Variants in VTI1A observed in about 807,000 individuals in gnomAD.
The protein encoded by VTI1A is vesicle transport through interaction with t-SNAREs 1A, also known as vesicle transport through interaction with t-SNAREs homolog 1A.
Under a neutral mutation model 34.9 loss-of-function variants are expected in VTI1A, and 22 were observed. The observed-to-expected ratio is 0.63, with a 90% CI of 0.45 to 0.90. The LOEUF is 0.90. Among genes scored for constraint, VTI1A ranks in the 40% least tolerant of loss-of-function variants. The probability of loss-of-function intolerance (pLI) is 0.00; values close to 1 mark genes in which losing one functional copy is unlikely to be tolerated. For missense variants in VTI1A, 268 were observed against 275.6 expected, an observed-to-expected ratio of 0.97 and a Z score of 0.20; for synonymous variants, 87 against 97.3, an observed-to-expected ratio of 0.89 and a Z score of 0.62.
chr10:112,831,201 ACTT>A, the VTI1A span: 4 of 152,082 alleles, frequency 2.6e-5, no homozygotes, highest in East Asian at 5.8e-4. Flanking sequence ...ATGGGAGAGA[ACTT>A]CTATTATTTC....
chr10:112,626,745 G>A (rs1408848154), intron 5 of VTI1A, among the ~76,000 whole-genome samples: 7 of 152,230 alleles, frequency 4.6e-5, no homozygotes, highest in African/African-American at 1.7e-4. Context: ...TGCTCTTCAG[G>A]TACATTGGGG....
At chr10:112,483,297 G>A (rs1187585108) in intron 3 of VTI1A, among the ~76,000 whole-genome samples, 1 of 152,076 alleles carries the variant, frequency 6.6e-6, no homozygotes, top group African/African-American at 2.4e-5. Context: ...ATAAAGAGCT[G>A]CTCAGCTGCA....
chr10:112,708,665 T>A lies in VTI1A; in HGVS notation c.560+39667T>A, dbSNP rs538568839. 4.6e-5 allele frequency among the ~76,000 whole-genome samples: 7 copies of A among 152,342 alleles called. No homozygotes were observed. In the East Asian group the frequency reaches 1.3e-3, roughly 29 times the overall value. ...GAAGCGAGTCACCAGCTATTCTAAG[T>A]AAGAACTGAAGAACTTTTGGATGGC... On this transcript the variant is annotated intron_variant, in intron 7 of 7. Transcript: ENST00000393077.
At chr10:112,615,976 G>A (rs1043631603) in intron 5 of VTI1A, among the ~76,000 whole-genome samples, 5 of 152,102 alleles carry the variant, frequency 3.3e-5, no homozygotes, top group African/African-American at 1.2e-4. Flanking sequence ...TGTATCTGAG[G>A]CAGACATTTT....
At chr10:112,569,314 G>A (rs1475569185) in intron 5 of VTI1A, among the ~76,000 whole-genome samples, 2 of 152,114 alleles carry the variant, frequency 1.3e-5, no homozygotes, top group African/African-American at 4.8e-5. Context: ...TATCTTACGG[G>A]GTAAGTACTG....
At chr10:112,687,581 CA>C (rs1848462828) in intron 7 of VTI1A, among the ~76,000 whole-genome samples, 1 of 151,660 alleles carries the variant, frequency 6.6e-6, no homozygotes, top group Non-Finnish European at 1.5e-5. Context: ...TGAAAATTTT[CA>C]CCCAGTTTTG....
At chr10:112,455,744 G>C (rs1300263364) in intron 1 of VTI1A, among the ~76,000 whole-genome samples, 1 of 145,786 alleles carries the variant, frequency 6.9e-6, no homozygotes, top group Non-Finnish European at 1.5e-5. Flanking sequence ...TTAAAAACAT[G>C]AGGAACACTA....
intron 3 of VTI1A, among the ~76,000 whole-genome samples, chr10:112,505,960 A>G (rs1849415306): frequency 6.6e-6 from 1 of 152,144 alleles, no homozygotes; most frequent in African/African-American, 2.4e-5. Context: ...GTATAATAAG[A>G]TATTGTATTA....
intron 5 of VTI1A, among the ~76,000 whole-genome samples, chr10:112,619,615 T>A (rs1338785040): frequency 1.3e-5 from 2 of 152,204 alleles, no homozygotes; most frequent in African/African-American, 4.8e-5. Context: ...CATACCTAAT[T>A]TTTGCAGAAC....
At chr10:112,611,737 A>ATTGTTTTTTTTTTTTTTTTTTTTTTT in intron 5 of VTI1A, among the ~76,000 whole-genome samples, 1 of 100,804 alleles carries the variant, frequency 9.9e-6, no homozygotes, top group Middle Eastern at 6.3e-3. Context: ...GAGAAAGGTA[A>ATTGTTTTTTTTTTTTTTTTTTTTTTT]TTTTTTTTTT....
At chr10:112,774,977 C>T (rs1458904332) in intron 7 of VTI1A, among the ~76,000 whole-genome samples, 1 of 152,150 alleles carries the variant, frequency 6.6e-6, no homozygotes, top group African/African-American at 2.4e-5. Context: ...GCTTTCGACG[C>T]CTGAGAACAA....
chr10:112,620,840 A>G (rs1845708398), intron 5 of VTI1A, among the ~76,000 whole-genome samples: 1 of 152,066 alleles, frequency 6.6e-6, no homozygotes, highest in Admixed American at 6.6e-5. Context: ...AACCATGGCC[A>G]AGAGATAGGA....
chr10:112,691,530 C>A (rs1848616963), intron 7 of VTI1A, among the ~76,000 whole-genome samples: 1 of 152,150 alleles, frequency 6.6e-6, no homozygotes, highest in Non-Finnish European at 1.5e-5. Flanking sequence ...ACAGTAGCTA[C>A]ATTTCGAGGC....
chr10:112,833,572 C>G, the VTI1A span, among the ~76,000 whole-genome samples: 3 of 152,182 alleles, frequency 2.0e-5, no homozygotes, highest in African/African-American at 7.2e-5. Flanking sequence ...TAATGATACT[C>G]TATGATCTCT....
intron 7 of VTI1A, chr10:112,672,703 T>C (rs1359840534): frequency 2.2e-4 from 33 of 152,222 alleles, no homozygotes; most frequent in Admixed American, 2.2e-3. Context: ...TTTATGTGTG[T>C]GTCTGTGTGT....
At chr10:112,847,803 G>A in the VTI1A span, among the ~76,000 whole-genome samples, 1 of 152,266 alleles carries the variant, frequency 6.6e-6, no homozygotes, top group South Asian at 2.1e-4. Context: ...CTATGCTTTT[G>A]TGTACCCTCA....
chr10:112,786,823 T>G (rs4918770), intron 7 of VTI1A, among the ~76,000 whole-genome samples: 72,300 of 152,034 alleles, frequency 0.48, 18,133 homozygotes, highest in East Asian at 0.69. Context: ...TAATATGTTA[T>G]AGGATTCAGT....
At chr10:112,669,612 G>A (rs1455259107) in intron 7 of VTI1A, among the ~76,000 whole-genome samples, 1 of 152,054 alleles carries the variant, frequency 6.6e-6, no homozygotes, top group Non-Finnish European at 1.5e-5. Flanking sequence ...GTTCTTATAA[G>A]TACATTCAGC....
intron 7 of VTI1A, among the ~76,000 whole-genome samples, chr10:112,718,013 C>G (rs1849670280): frequency 6.6e-6 from 1 of 152,194 alleles, no homozygotes; most frequent in Non-Finnish European, 1.5e-5. Context: ...TCAGTGCACA[C>G]ACACAAACCA....
Sources: gnomAD v4.1 joint callset for allele counts (sites outside exome capture counted in the v4.1 genomes callset) on GRCh38, gnomAD v4.1.1 for gene constraint, MANE v1.5 for transcripts, NCBI Gene and HGNC (gene_info 2026-07-23, HGNC 2026-07-21) for gene names.